Variants in SPOCK3 observed in about 807,000 individuals in gnomAD.
SPOCK3 encodes the protein SPARC (osteonectin), cwcv and kazal like domains proteoglycan 3.
A neutral mutation model predicts 56.6 loss-of-function variants in SPOCK3; 30 were observed. The ratio of observed to expected loss-of-function variants is 0.53; its 90% CI spans 0.40 to 0.72. The LOEUF is 0.72. Among genes scored for constraint, SPOCK3 ranks in the 30% least tolerant of loss-of-function variants. The pLI is 0.00. For synonymous variants in SPOCK3, 196 were observed against 183.3 expected, an observed-to-expected ratio of 1.07 and a Z score of -0.56; for missense variants, 527 against 530.0, an observed-to-expected ratio of 0.99 and a Z score of 0.06.
At position 167,222,720 on chromosome 4, in the gene SPOCK3, G is replaced by T. The variant is rs1371499660; in HGVS notation, c.189+11265C>A. ...AAACATATAAACATAGATATATATT[G>T]ATATATGAATATATAAATATATAAA... is the stretch of plus-strand genomic sequence containing the variant. On this transcript the variant is annotated intron_variant, in intron 2 of 10. Coordinates refer to ENST00000357545, the MANE Select transcript of SPOCK3 (RefSeq NM_001040159.2). 8.0e-5 allele frequency among the ~76,000 whole-genome samples: 10 copies of T among 124,614 alleles called. No individual in the cohort carries two copies. In the South Asian group the frequency reaches 1.7e-3, roughly 22 times the overall value. 81.8% of individuals were successfully genotyped at this position (124,614 alleles called of 152,430 possible).
chr4:167,175,808 G>A (rs777826735), intron 2 of SPOCK3, among the ~76,000 whole-genome samples: 29 of 152,074 alleles, frequency 1.9e-4, no homozygotes, highest in Non-Finnish European at 3.2e-4. Flanking sequence ...TGCTATTTAT[G>A]CCACTCTGGT....
At chr4:167,162,425 T>A (rs1392396716) in intron 2 of SPOCK3, among the ~76,000 whole-genome samples, 1 of 152,138 alleles carries the variant, frequency 6.6e-6, no homozygotes, top group Non-Finnish European at 1.5e-5. Flanking sequence ...TTCAAATCTG[T>A]GCTGTCCAAT....
intron 4 of SPOCK3, among the ~76,000 whole-genome samples, chr4:166,968,227 G>A (rs1425875350): frequency 6.6e-6 from 1 of 152,180 alleles, no homozygotes; most frequent in Non-Finnish European, 1.5e-5. Flanking sequence ...TGGAAAATTT[G>A]CAGCCTGAAC....
intron 2 of SPOCK3, among the ~76,000 whole-genome samples, chr4:167,073,601 T>A (rs1756899101): frequency 6.6e-6 from 1 of 151,886 alleles, no homozygotes; most frequent in South Asian, 2.1e-4. Flanking sequence ...AGTCCTTTAT[T>A]GTGATTAATA....
Position 166,908,970 on chromosome 4 carries a change from G to A in SPOCK3, c.474+3650C>T, listed in dbSNP as rs187949982. ...AGACTAACTATATTTTTATTTTTCT[G>A]GCATTGCTGAATTTGAAAGAATTCA... On this transcript the variant is annotated intron_variant, in intron 5 of 10. Coordinates refer to ENST00000357545, the MANE Select transcript of SPOCK3 (RefSeq NM_001040159.2). 1.6e-3 allele frequency among the ~76,000 whole-genome samples: 246 copies of A among 151,956 alleles called. 1 individual carries two copies. Among genetic ancestry groups the A allele is most frequent in the African/African-American group, 5.5e-3 (226 of 41,466 alleles).
chr4:166,957,939 A>G (rs1743675257), intron 4 of SPOCK3, among the ~76,000 whole-genome samples: 1 of 152,136 alleles, frequency 6.6e-6, no homozygotes, highest in Non-Finnish European at 1.5e-5. Flanking sequence ...GAACAGGTGA[A>G]GAATTGGGGG....
chr4:167,032,536 T>C (rs952991539), intron 3 of SPOCK3, among the ~76,000 whole-genome samples: 1 of 151,860 alleles, frequency 6.6e-6, no homozygotes, highest in Non-Finnish European at 1.5e-5. Flanking sequence ...ATTCCTAAGA[T>C]CATAAAAAGT....
chr4:167,005,015 T>TA (rs979301737), intron 3 of SPOCK3, among the ~76,000 whole-genome samples: 5 of 152,184 alleles, frequency 3.3e-5, no homozygotes, highest in African/African-American at 1.2e-4. Flanking sequence ...ATCAGTCTTG[T>TA]AATCTAGTTA....
chr4:166,840,493 T>A (rs187826882), intron 6 of SPOCK3, among the ~76,000 whole-genome samples: 19 of 152,330 alleles, frequency 1.2e-4, no homozygotes, highest in Non-Finnish European at 2.5e-4. Flanking sequence ...TTCTGTTTGT[T>A]TATCTGTGCT....
chr4:166,798,734 T>G (rs1046622330), intron 6 of SPOCK3, among the ~76,000 whole-genome samples: 1 of 152,162 alleles, frequency 6.6e-6, no homozygotes, highest in Admixed American at 6.5e-5. Context: ...AACTACAATG[T>G]GGAATTTACT....
chr4:167,219,325 A>G (rs571629375), intron 2 of SPOCK3, among the ~76,000 whole-genome samples: 4 of 152,202 alleles, frequency 2.6e-5, no homozygotes, highest in Non-Finnish European at 5.9e-5. Flanking sequence ...CCATGTGCCA[A>G]GGCAATTAGC....
intron 6 of SPOCK3, among the ~76,000 whole-genome samples, chr4:166,865,180 C>A (rs1294589884): frequency 6.6e-6 from 1 of 152,084 alleles, no homozygotes; most frequent in Non-Finnish European, 1.5e-5. Context: ...ATGACAAAAA[C>A]CACATGATTA....
intron 7 of SPOCK3, among the ~76,000 whole-genome samples, chr4:166,774,781 G>A (rs893629487): frequency 6.6e-6 from 1 of 152,128 alleles, no homozygotes; most frequent in African/African-American, 2.4e-5. Flanking sequence ...AATTTGAAGT[G>A]TAAGCACCCT....
At chr4:167,154,385 C>A (rs1432411005) in intron 2 of SPOCK3, among the ~76,000 whole-genome samples, 22 of 151,802 alleles carry the variant, frequency 1.4e-4, no homozygotes, top group Admixed American at 1.4e-3. Context: ...GAGGCCCCAG[C>A]GCAAAGCATA....
intron 5 of SPOCK3, among the ~76,000 whole-genome samples, chr4:166,899,582 C>T (rs1377780682): frequency 6.8e-6 from 1 of 146,592 alleles, no homozygotes; most frequent in Non-Finnish European, 1.5e-5. Flanking sequence ...TCTCAGCTTA[C>T]TGCAACCTCT....
At chr4:166,850,807 G>A (rs551808094) in intron 6 of SPOCK3, among the ~76,000 whole-genome samples, 114 of 152,296 alleles carry the variant, frequency 7.5e-4, no homozygotes, top group African/African-American at 8.4e-4. Context: ...CACCTGGCTC[G>A]GAGGGTCCTA....
chr4:167,203,817 T>C (rs1432384426), intron 2 of SPOCK3, among the ~76,000 whole-genome samples: 2 of 152,148 alleles, frequency 1.3e-5, no homozygotes, highest in Admixed American at 6.6e-5. Flanking sequence ...AATATTCTTA[T>C]AGTTCAAACC....
chr4:166,984,829 A>C (rs1359369745), intron 4 of SPOCK3, among the ~76,000 whole-genome samples: 2 of 152,238 alleles, frequency 1.3e-5, no homozygotes, highest in Non-Finnish European at 2.9e-5. Context: ...ATCCATTTTA[A>C]AGTTTAACTT....
In SPOCK3 at chr4:167,117,715, T is replaced by C. The variant is rs561968408; in HGVS notation, c.190-55178A>G. The stretch of plus-strand genomic sequence containing the variant: ...CCAAGGGAGGCTCTGGGGAGCAAAG[T>C]GCAATCTCCAGTTATCCTGAGAACT... On this transcript the variant is annotated intron_variant, in intron 2 of 10. Coordinates refer to ENST00000357545, the MANE Select transcript of SPOCK3 (RefSeq NM_001040159.2). 2.6e-5 allele frequency among the ~76,000 whole-genome samples: 4 copies of C among 152,232 alleles called. No homozygotes were observed. In the South Asian group the frequency reaches 8.3e-4, roughly 32 times the overall value.
Sources: gnomAD v4.1 joint callset for allele counts (sites outside exome capture counted in the v4.1 genomes callset) on GRCh38, gnomAD v4.1.1 for gene constraint, MANE v1.5 for transcripts, NCBI Gene and HGNC (gene_info 2026-07-23, HGNC 2026-07-21) for gene names.